PCDH9: variants seen among roughly 807,000 people sequenced by gnomAD.
The protein encoded by PCDH9 is protocadherin 9, also known as protocadherin-9.
A neutral mutation model predicts 70.6 loss-of-function variants in PCDH9; 24 were observed. The ratio of observed to expected loss-of-function variants is 0.34; its 90% confidence interval spans 0.25 to 0.48. PCDH9 has a LOEUF of 0.48. Ranked by LOEUF, PCDH9 falls within the 20% of genes least tolerant of loss-of-function variation. The pLI is 0.99. For missense variants in PCDH9, 1,281 were observed against 1,503.6 expected (o/e 0.85, Z 2.45); for synonymous variants, 562 against 558.5 (o/e 1.01, Z -0.09).
chr13:66,923,803 G>C (rs1235919306), intron 2 of PCDH9, among the ~76,000 whole-genome samples: 1 of 151,486 alleles, frequency 6.6e-6, no homozygotes, highest in Non-Finnish European at 1.5e-5. Context: ...AGGATGACAT[G>C]GTTACTAGCA....
At chr13:66,421,121 G>A (rs139807977) in intron 4 of PCDH9, among the ~76,000 whole-genome samples, 1,948 of 150,786 alleles carry the variant, frequency 0.013, 43 homozygotes, top group African/African-American at 0.045. Flanking sequence ...GTGAAGACAA[G>A]ATTAGAGAAA....
At chr13:66,554,556 T>C (rs1365061685) in intron 4 of PCDH9, among the ~76,000 whole-genome samples, 2 of 152,074 alleles carry the variant, frequency 1.3e-5, no homozygotes, top group Non-Finnish European at 2.9e-5. Flanking sequence ...CTAATAATTA[T>C]ATGTAGTTTA....
chr13:66,848,015 G>C (rs1306228367), intron 3 of PCDH9, among the ~76,000 whole-genome samples: 2 of 152,144 alleles, frequency 1.3e-5, no homozygotes, highest in Non-Finnish European at 2.9e-5. Context: ...GTGTGTTTAT[G>C]TTTTTAGTTT....
intron 3 of PCDH9, among the ~76,000 whole-genome samples, chr13:66,663,610 A>C (rs2078050562): frequency 6.6e-6 from 1 of 152,228 alleles, no homozygotes; most frequent in African/African-American, 2.4e-5. Flanking sequence ...ATATCTTGAC[A>C]CTAATGACCT....
chr13:66,373,080 G>A (rs566827728), intron 4 of PCDH9, among the ~76,000 whole-genome samples: 1 of 151,832 alleles, frequency 6.6e-6, no homozygotes, highest in South Asian at 2.1e-4. Flanking sequence ...GAAAACAATC[G>A]AAAAGGTCAT....
intron 4 of PCDH9, among the ~76,000 whole-genome samples, chr13:66,461,355 A>G (rs267312): frequency 0.017 from 2,552 of 151,932 alleles, 74 homozygotes; most frequent in African/African-American, 0.058. Context: ...GGGACACTAT[A>G]CATTTCTATT....
intron 3 of PCDH9, among the ~76,000 whole-genome samples, chr13:66,758,910 G>A (rs1230345894): frequency 2.0e-5 from 3 of 151,926 alleles, no homozygotes; most frequent in Non-Finnish European, 2.9e-5. Context: ...TTGTTGGCAG[G>A]TAATTGTTCA....
chr13:66,802,553 T>A (rs1201674178), intron 3 of PCDH9, among the ~76,000 whole-genome samples: 1 of 152,122 alleles, frequency 6.6e-6, no homozygotes, highest in African/African-American at 2.4e-5. Context: ...TGGCAGGTAC[T>A]ATCCATTTCA....
chr13:66,732,215 A>T (rs990802113), intron 3 of PCDH9, among the ~76,000 whole-genome samples: 44 of 152,068 alleles, frequency 2.9e-4, no homozygotes, highest in African/African-American at 1.1e-3. Flanking sequence ...GTCAGGATCA[A>T]ATCAGGGTAA....
intron 4 of PCDH9, among the ~76,000 whole-genome samples, chr13:66,537,209 AC>A (rs1960743275): frequency 1.3e-5 from 2 of 151,962 alleles, no homozygotes; most frequent in South Asian, 4.2e-4. Context: ...GATCATGAGC[AC>A]CCCTGAGTCT....
intron 2 of PCDH9, among the ~76,000 whole-genome samples, chr13:67,107,069 G>A (rs1753373947): frequency 6.6e-6 from 1 of 152,164 alleles, no homozygotes; most frequent in Non-Finnish European, 1.5e-5. Context: ...TGATGGAAAG[G>A]GGCGGATCCC....
At chr13:67,055,514 T>C (rs2085401028) in intron 2 of PCDH9, among the ~76,000 whole-genome samples, 1 of 152,182 alleles carries the variant, frequency 6.6e-6, no homozygotes. Context: ...GGTGGATTTA[T>C]ATCCTAAGAC....
intron 4 of PCDH9, among the ~76,000 whole-genome samples, chr13:66,524,964 T>C (rs1345614853): frequency 1.3e-5 from 2 of 151,982 alleles, no homozygotes; most frequent in Non-Finnish European, 2.9e-5. Context: ...AAATCTTGAG[T>C]GATGTGTGTG....
At chr13:66,638,025 A>G (rs528643637) in intron 3 of PCDH9, among the ~76,000 whole-genome samples, 1 of 152,312 alleles carries the variant, frequency 6.6e-6, no homozygotes, top group South Asian at 2.1e-4. Flanking sequence ...GAACCAAACT[A>G]AAAACCACAA....
chr13:67,227,539 CT>C lies in PCDH9; in HGVS notation c.901del (p.Arg301AspfsTer5), dbSNP rs1370211113. On this transcript the variant is annotated frameshift_variant, in exon 2 of 5. Transcript: ENST00000377865. LOFTEE classifies it high-confidence loss of function. This position sits in a 1 kb window ranked among gnomAD's most constrained non-coding sequence, Gnocchi z 4.6. ...FGAQVAPATK[R>X]LFALNNTTGL... ...AGTAGTATTATTTAAAGCAAAGAGTCTTTTGGTTGCAGGGGCGACCTGGGCA... is the reference window on the plus strand; with the variant it reads ...AGTAGTATTATTTAAAGCAAAGAGTCTTTGGTTGCAGGGGCGACCTGGGCA... The C allele has an allele frequency of 6.2e-7, 1 of 1,613,918 alleles. No homozygotes were observed. The highest frequency in any genetic ancestry group is 8.5e-7 in the Non-Finnish European group (1 of 1,179,822).
At chr13:67,130,773 C>A (rs1351028075) in intron 2 of PCDH9, among the ~76,000 whole-genome samples, 1 of 152,018 alleles carries the variant, frequency 6.6e-6, no homozygotes, top group Non-Finnish European at 1.5e-5. Flanking sequence ...TTGCCCAGAC[C>A]CCTCCCACCG....
chr13:67,226,535 C>G lies in PCDH9; in HGVS notation c.1906G>C (p.Glu636Gln), dbSNP rs752164624. The part of the protein sequence containing the change: ...VIKSNVSFDR[E>Q]QQSSYTFDVK... ...TCAAAAGTGTAGGAACTCTGCTGCT[C>G]TCTATCAAATGAGACATTTGACTTT... The change falls in exon 2 of 5, where the codon GAG (glutamate) becomes CAG (glutamine). Residue 636 changes from glutamate to glutamine, a missense_variant. Coordinates refer to ENST00000377865, the MANE Select transcript of PCDH9 (RefSeq NM_203487.3). This position sits in a 1 kb window ranked among gnomAD's most constrained non-coding sequence, Gnocchi z 5.0. 1.2e-6 allele frequency: 2 copies of G among 1,613,938 alleles called. No individual in the cohort carries two copies. Among genetic ancestry groups the G allele is most frequent in the Non-Finnish European group, 1.7e-6 (2 of 1,179,830 alleles).
At chr13:66,738,034 C>A (rs2079184860) in intron 3 of PCDH9, among the ~76,000 whole-genome samples, 1 of 152,208 alleles carries the variant, frequency 6.6e-6, no homozygotes, top group Non-Finnish European at 1.5e-5. Flanking sequence ...GCCTCCACCT[C>A]TGGGGGCAGG....
Position 66,734,697 on chromosome 13 carries a change from T to C in PCDH9, c.3139-103286A>G, listed in dbSNP as rs189799950. On this transcript the variant is annotated intron_variant, in intron 3 of 4. Coordinates refer to ENST00000377865, the MANE Select transcript of PCDH9 (RefSeq NM_203487.3). ...CAAAATGTGTATGTGGTTAAATAAATAGCAGCTCTATTCATGTAGCACTAA... is the reference window on the plus strand; with the variant it reads ...CAAAATGTGTATGTGGTTAAATAAACAGCAGCTCTATTCATGTAGCACTAA... 3.9e-5 allele frequency among the ~76,000 whole-genome samples: 6 copies of C among 152,322 alleles called. No homozygotes were observed. The East Asian group carries it at 5.8e-4, about 15-fold the overall frequency.
Sources: gnomAD v4.1 joint callset for allele counts (sites outside exome capture counted in the v4.1 genomes callset) on GRCh38, gnomAD v4.1.1 for gene constraint, Gnocchi (gnomAD v3.1) non-coding constraint, MANE v1.5 for transcripts, NCBI Gene and HGNC (gene_info 2026-07-23, HGNC 2026-07-21) for gene names.